TMEM132B: variants seen among roughly 807,000 people sequenced by gnomAD.
The protein encoded by TMEM132B is transmembrane protein 132B.
Under a neutral mutation model 90.8 loss-of-function variants are expected in TMEM132B, and 18 were observed. The observed-to-expected ratio is 0.20, with a 90% CI of 0.14 to 0.29. TMEM132B has a LOEUF of 0.29. TMEM132B is among the 10% of genes least tolerant of loss of function. The probability of loss-of-function intolerance (pLI) is 1.00; values close to 1 mark genes in which losing one functional copy is unlikely to be tolerated. For synonymous variants in TMEM132B, 504 were observed against 523.3 expected, an observed-to-expected ratio of 0.96 and a Z score of 0.50; for missense variants, 1,096 against 1,326.8, an observed-to-expected ratio of 0.83 and a Z score of 2.70.
At chr12:125,337,537 G>T (rs1877009514) in intron 1 of TMEM132B, among the ~76,000 whole-genome samples, 1 of 152,088 alleles carries the variant, frequency 6.6e-6, no homozygotes, top group African/African-American at 2.4e-5. Flanking sequence ...AAGTCTTGTG[G>T]CCATACGTGG....
chr12:125,448,823 T>G (rs11058174), intron 3 of TMEM132B, among the ~76,000 whole-genome samples: 5,185 of 152,298 alleles, frequency 0.034, 166 homozygotes, highest in Admixed American at 0.1. Flanking sequence ...TCCTCATTCT[T>G]GTCAACATTT....
At chr12:125,339,731 A>T (rs1381992249) in intron 1 of TMEM132B, among the ~76,000 whole-genome samples, 1 of 152,188 alleles carries the variant, frequency 6.6e-6, no homozygotes, top group Non-Finnish European at 1.5e-5. Flanking sequence ...GCAAAGTTAC[A>T]CGCTGAGAAC....
At chr12:125,235,250 A>T (rs1437990726) in intron 1 of TMEM132B, among the ~76,000 whole-genome samples, 2 of 152,206 alleles carry the variant, frequency 1.3e-5, no homozygotes, top group Non-Finnish European at 2.9e-5. Context: ...CTCTCACATG[A>T]TGTCCTGCCA....
intron 1 of TMEM132B, among the ~76,000 whole-genome samples, chr12:125,278,476 TC>T: frequency 9.3e-6 from 1 of 107,344 alleles, no homozygotes; most frequent in Non-Finnish European, 1.8e-5. Flanking sequence ...GGAATCTCCA[TC>T]TTTTTTTTTT....
rs1206581609 is a variant in TMEM132B at position 125,459,087 on chromosome 12, T to C, written c.1106+43410T>C. 6.6e-6 allele frequency among the ~76,000 whole-genome samples: 1 copy of C among 152,226 alleles called. No homozygotes were observed. Among genetic ancestry groups the C allele is most frequent in the East Asian group, 1.9e-4 (1 of 5,192 alleles). ...TTTCAGAGCACCCCCGTCCATCTTATGCCTGAGTGGAGCCAACGAGGCCCC... is the reference window on the plus strand; with the variant it reads ...TTTCAGAGCACCCCCGTCCATCTTACGCCTGAGTGGAGCCAACGAGGCCCC... On this transcript the variant is annotated intron_variant, in intron 3 of 8. Coordinates refer to ENST00000682704, the MANE Select transcript of TMEM132B (RefSeq NM_001366854.1). This position sits in a 1 kb window ranked among gnomAD's most constrained non-coding sequence, Gnocchi z 4.1.
intron 1 of TMEM132B, among the ~76,000 whole-genome samples, chr12:125,235,354 C>G (rs907871634): frequency 1.3e-5 from 2 of 152,090 alleles, no homozygotes; most frequent in African/African-American, 4.8e-5. Flanking sequence ...ATGGATCCCA[C>G]CTTTGTCCCA....
At chr12:125,276,471 A>G (rs1874993543) in intron 1 of TMEM132B, among the ~76,000 whole-genome samples, 1 of 152,218 alleles carries the variant, frequency 6.6e-6, no homozygotes, top group African/African-American at 2.4e-5. Context: ...TCTAATAATC[A>G]TTAGATGAGA....
At chr12:125,647,445 G>C (rs1886794496) in intron 6 of TMEM132B, among the ~76,000 whole-genome samples, 1 of 152,144 alleles carries the variant, frequency 6.6e-6, no homozygotes, top group African/African-American at 2.4e-5. Flanking sequence ...TAAAGACAAA[G>C]ACAGTCTTAA....
At chr12:125,448,720 T>TCC (rs1881069336) in intron 3 of TMEM132B, among the ~76,000 whole-genome samples, 2 of 152,168 alleles carry the variant, frequency 1.3e-5, no homozygotes, top group Admixed American at 1.3e-4. Flanking sequence ...ATGGTAAGTA[T>TCC]ATATTTAATT....
At chr12:125,340,081 A>G (rs1877128292) in intron 1 of TMEM132B, among the ~76,000 whole-genome samples, 3 of 152,218 alleles carry the variant, frequency 2.0e-5, no homozygotes, top group Non-Finnish European at 4.4e-5. Flanking sequence ...GAAGCATTAG[A>G]AATCATTGGC....
At chr12:125,525,926 T>C (rs978183504) in intron 4 of TMEM132B, among the ~76,000 whole-genome samples, 2 of 152,156 alleles carry the variant, frequency 1.3e-5, no homozygotes, top group Non-Finnish European at 1.5e-5. Flanking sequence ...CTGGGGGAAG[T>C]TGCCTAGTTG....
intron 4 of TMEM132B, among the ~76,000 whole-genome samples, chr12:125,522,863 A>G (rs1883343893): frequency 6.6e-6 from 1 of 152,206 alleles, no homozygotes; most frequent in Non-Finnish European, 1.5e-5. Context: ...TGCCCATTGG[A>G]AAAGCAAAAA....
intron 1 of TMEM132B, among the ~76,000 whole-genome samples, chr12:125,302,446 G>A (rs1160401540): frequency 1.3e-5 from 2 of 152,100 alleles, no homozygotes; most frequent in Non-Finnish European, 2.9e-5. Context: ...GCAGAGGGAT[G>A]TGTTAGACAA....
rs1386673888 is a variant in TMEM132B, at chr12:125,307,644, A to C, written c.68-41808A>C. Among the ~76,000 whole-genome samples, 3 of 151,194 alleles carry C rather than the reference A, an allele frequency of 2.0e-5. No homozygotes were observed. In the East Asian group the frequency reaches 5.8e-4, roughly 29 times the overall value. On this transcript the variant is annotated intron_variant, in intron 1 of 8. Coordinates refer to ENST00000682704, the MANE Select transcript of TMEM132B (RefSeq NM_001366854.1). The stretch of plus-strand genomic sequence containing the variant: ...AAAGTCTGTTGTGATCAGCATCCCA[A>C]GCCCCACGTCTCTCTCTACTTTCTC...
chr12:125,314,107 G>A (rs1365402184), intron 1 of TMEM132B, among the ~76,000 whole-genome samples: 1 of 152,148 alleles, frequency 6.6e-6, no homozygotes, highest in Admixed American at 6.5e-5. Flanking sequence ...GTATACCTGT[G>A]TGCAGAGAGC....
intron 1 of TMEM132B, among the ~76,000 whole-genome samples, chr12:125,200,135 G>A (rs767497617): frequency 3.9e-5 from 6 of 152,218 alleles, no homozygotes; most frequent in Non-Finnish European, 7.3e-5. Flanking sequence ...GAGTTCGTGT[G>A]TGTGTGATTT....
rs116665610 is a variant in TMEM132B at position 125,283,818 on chromosome 12, C to G, written c.68-65634C>G. 4.6e-3 allele frequency among the ~76,000 whole-genome samples: 694 copies of G among 152,296 alleles called. 3 individuals carry two copies. Among genetic ancestry groups the G allele is most frequent in the African/African-American group, 0.016 (666 of 41,550 alleles). ...GTCTGCCACTCCCTCTGGAGAGATA[C>G]TAGGAGTTTCAGTAGTGTTTGCTTG... is the stretch of plus-strand genomic sequence containing the variant. On this transcript the variant is annotated intron_variant, in intron 1 of 8. Transcript: ENST00000682704.
intron 5 of TMEM132B, chr12:125,584,342 A>AT (rs1178538296): frequency 8.5e-6 from 2 of 235,640 alleles, no homozygotes; most frequent in Admixed American, 5.1e-5. Context: ...AGACCTTCTC[A>AT]TTTTTTGCAA....
intron 5 of TMEM132B, among the ~76,000 whole-genome samples, chr12:125,588,803 A>G (rs1885238760): frequency 6.6e-6 from 1 of 152,206 alleles, no homozygotes; most frequent in African/African-American, 2.4e-5. Context: ...TTTCCCGCTC[A>G]TTCTCTGCTA....
Sources: allele counts gnomAD v4.1 joint callset (sites outside exome capture counted in the v4.1 genomes callset), GRCh38; gene constraint gnomAD v4.1.1; non-coding constraint Gnocchi (gnomAD v3.1); transcripts MANE v1.5; gene names NCBI Gene and HGNC (gene_info 2026-07-23, HGNC 2026-07-21).